Variants in ABCA13 observed in about 807,000 individuals in gnomAD.
The protein encoded by ABCA13 is ATP binding cassette subfamily A member 13.
Under a neutral mutation model 478.7 loss-of-function variants are expected in ABCA13, and 476 were observed. That is an observed-to-expected ratio of 0.99 (90% confidence interval 0.92 to 1.07). The LOEUF is 1.07. ABCA13 is among the 50% of genes least tolerant of loss of function. The pLI is 0.00. For missense variants in ABCA13, 6,060 were observed against 5,910.6 expected (o/e 1.03, Z -0.83); for synonymous variants, 2,252 against 2,158.9 (o/e 1.04, Z -1.20).
chr7:48,363,338 C>A (rs1483519156), intron 31 of ABCA13, among the ~76,000 whole-genome samples: 1 of 152,096 alleles, frequency 6.6e-6, no homozygotes, highest in East Asian at 1.9e-4. Flanking sequence ...TTGTTATTTT[C>A]TCCCTTTTAT....
At chr7:48,493,338 T>G (rs1830006543) in intron 48 of ABCA13, among the ~76,000 whole-genome samples, 1 of 152,140 alleles carries the variant, frequency 6.6e-6, no homozygotes, top group African/African-American at 2.4e-5. Context: ...CTTGCTTCTT[T>G]CGTTATTAGG....
At chr7:48,367,742 A>G in intron 31 of ABCA13, 52 bp from the exon 32 acceptor site, 1 of 1,369,912 alleles carries the variant, frequency 7.3e-7, no homozygotes, top group South Asian at 1.2e-5. Flanking sequence ...GTAAAAAATT[A>G]GTAGAGTCAT....
intron 55 of ABCA13, among the ~76,000 whole-genome samples, chr7:48,528,925 A>C (rs1237790193): frequency 1.3e-5 from 2 of 152,164 alleles, no homozygotes; most frequent in African/African-American, 4.8e-5. Context: ...CTGAGGCCAG[A>C]TGACCCCTGC....
At chr7:48,302,498 A>T (rs996046218) in intron 23 of ABCA13, among the ~76,000 whole-genome samples, 5 of 151,368 alleles carry the variant, frequency 3.3e-5, no homozygotes, top group Non-Finnish European at 1.5e-5. Context: ...CCTCCTTCCA[A>T]CCTCCACCCT....
chr7:48,326,244 G>A (rs1156301542), intron 27 of ABCA13, among the ~76,000 whole-genome samples: 1 of 152,174 alleles, frequency 6.6e-6, no homozygotes, highest in African/African-American at 2.4e-5. Context: ...TCCCTCCAGA[G>A]CCCTCTTCTG....
At chr7:48,342,475 A>G (rs1432713357) in intron 29 of ABCA13, among the ~76,000 whole-genome samples, 1 of 152,034 alleles carries the variant, frequency 6.6e-6, no homozygotes, top group Non-Finnish European at 1.5e-5. Flanking sequence ...CTTTGTTTGT[A>G]TTTAAATTAT....
intron 22 of ABCA13, among the ~76,000 whole-genome samples, chr7:48,298,015 A>T (rs1799645047): frequency 6.7e-6 from 1 of 149,628 alleles, no homozygotes; most frequent in Admixed American, 6.7e-5. Context: ...CGAACTCCTG[A>T]CCTTTGATCT....
intron 35 of ABCA13, among the ~76,000 whole-genome samples, chr7:48,383,086 A>T (rs745845761): frequency 6.6e-6 from 1 of 152,194 alleles, no homozygotes; most frequent in Non-Finnish European, 1.5e-5. Flanking sequence ...TCTGTACAAA[A>T]TGCTTAGTTA....
chr7:48,346,166 G>A (rs1034768348), intron 29 of ABCA13, among the ~76,000 whole-genome samples: 3 of 151,970 alleles, frequency 2.0e-5, no homozygotes, highest in Non-Finnish European at 4.4e-5. Flanking sequence ...TTTTTATGCC[G>A]CATTTCTCAG....
intron 8 of ABCA13, among the ~76,000 whole-genome samples, chr7:48,239,000 A>G (rs1389230480): frequency 6.6e-6 from 1 of 152,208 alleles, no homozygotes; most frequent in East Asian, 1.9e-4. Context: ...TGTCATCTCC[A>G]TGTCCTTGGC....
In ABCA13 at chr7:48,237,387, G is replaced by T. The variant is rs146372012; in HGVS notation, c.898-1854G>T. ...AGGTTCTGTACCTGAGAAATGAGGG[G>T]ATTCATCTTAGGGAGGGACTACTAT... On this transcript the variant is annotated intron_variant, in intron 8 of 61. Transcript: ENST00000435803. 5.0e-3 allele frequency among the ~76,000 whole-genome samples: 767 copies of T among 152,228 alleles called. 6 individuals are homozygous for T. Among genetic ancestry groups the T allele is most frequent in the South Asian group, 0.037 (177 of 4,812 alleles).
At chr7:48,298,103 TA>T (rs1799658309) in intron 22 of ABCA13, among the ~76,000 whole-genome samples, 2 of 152,110 alleles carry the variant, frequency 1.3e-5, no homozygotes, top group Non-Finnish European at 2.9e-5. Context: ...CTTTCTAAAG[TA>T]AATGTTCTTA....
intron 42 of ABCA13, among the ~76,000 whole-genome samples, chr7:48,444,435 A>G (rs1318392868): frequency 1.3e-5 from 2 of 152,166 alleles, no homozygotes; most frequent in Admixed American, 6.5e-5. Context: ...CACTAGTTTC[A>G]AAAGGCATCA....
chr7:48,513,039 G>A (rs569784889), intron 51 of ABCA13, among the ~76,000 whole-genome samples: 149 of 152,350 alleles, frequency 9.8e-4, no homozygotes, highest in African/African-American at 3.4e-3. Context: ...CAGTGGAACT[G>A]GTGACAACCT....
At chr7:48,467,157 T>C (rs1381751712) in intron 44 of ABCA13, 112 bp downstream of exon 44, 1 of 1,100,102 alleles carries the variant, frequency 9.1e-7, no homozygotes, top group Non-Finnish European at 1.4e-6. Flanking sequence ...GTTTATGTTA[T>C]AAAAAATGAA....
At chr7:48,622,283 C>G (rs916753183) in intron 59 of ABCA13, among the ~76,000 whole-genome samples, 1 of 152,150 alleles carries the variant, frequency 6.6e-6, no homozygotes, top group Non-Finnish European at 1.5e-5. Context: ...CGAACCTTCT[C>G]TCTCCTAATC....
intron 23 of ABCA13, among the ~76,000 whole-genome samples, chr7:48,303,294 A>C (rs548250333): frequency 6.6e-6 from 1 of 151,648 alleles, no homozygotes; most frequent in African/African-American, 2.4e-5. Flanking sequence ...TTGTCTGTAT[A>C]CTCTGTTGAT....
chr7:48,227,816 G>GAGAT (rs1228106193), intron 6 of ABCA13, among the ~76,000 whole-genome samples: 13 of 152,164 alleles, frequency 8.5e-5, no homozygotes, highest in Admixed American at 4.6e-4. Flanking sequence ...TTCACTATTA[G>GAGAT]AGATAGGCTT....
At chr7:48,410,782 C>T in intron 40 of ABCA13, 105 bp downstream of exon 40, 1 of 1,455,940 alleles carries the variant, frequency 6.9e-7, no homozygotes. Flanking sequence ...TGGAGGCCTT[C>T]TGTGCACAAT....
Sources: gnomAD v4.1 joint callset for allele counts (sites outside exome capture counted in the v4.1 genomes callset) on GRCh38, gnomAD v4.1.1 for gene constraint, MANE v1.5 for transcripts, NCBI Gene and HGNC (gene_info 2026-07-23, HGNC 2026-07-21) for gene names.